The following HCLS1 variants were observed in gnomAD, a reference collection of about 807,000 sequenced individuals.
The protein encoded by HCLS1 is hematopoietic cell-specific Lyn substrate 1.
Under a neutral mutation model 68.6 loss-of-function variants are expected in HCLS1, and 44 were observed. That is an observed-to-expected ratio of 0.64 (90% confidence interval 0.50 to 0.82). The LOEUF (loss-of-function observed/expected upper bound fraction) is 0.82, where lower values mean the gene tolerates loss of function less well. Among genes scored for constraint, HCLS1 ranks in the 40% least tolerant of loss-of-function variants. The pLI is 0.00. For synonymous variants in HCLS1, 217 were observed against 225.8 expected (o/e 0.96, Z 0.35); for missense variants, 602 against 612.1 (o/e 0.98, Z 0.17).
At chr3:121,655,462 C>CTTTTTTTTTTTTTTTTTTTTT (rs1181452367) in intron 3 of HCLS1, 1 of 50,066 alleles carries the variant, frequency 2.0e-5, no homozygotes, top group Non-Finnish European at 3.8e-5. Context: ...GTTGCTTGCT[C>CTTTTTTTTTTTTTTTTTTTTT]TTTTTTTTTT....
intron 9 of HCLS1, among the ~76,000 whole-genome samples, 170 bp from the exon 10 acceptor site, chr3:121,634,588 T>A (rs1009230608): frequency 6.6e-6 from 1 of 152,062 alleles, no homozygotes; most frequent in Non-Finnish European, 1.5e-5. Context: ...GAGGATGGCA[T>A]AGCCCTGAAG....
At position 121,632,446 on chromosome 3, in the gene HCLS1, T is replaced by TCTCAGGCTTGGG. The variant is rs1553842737; in HGVS notation, c.1125_1126insCCCAAGCCTGAG (p.Glu375_Asn376insProLysProGlu). 5.0e-5 allele frequency: 67 copies of TCTCAGGCTTGGG among 1,335,866 alleles called. No homozygotes were observed. Among genetic ancestry groups the TCTCAGGCTTGGG allele is most frequent in the Admixed American group, 8.9e-5 (5 of 56,000 alleles). 82.8% of individuals were successfully genotyped at this position (1,335,866 alleles called of 1,614,324 possible). ...ATCTCCTCAACGTCCTCATAGTCAT[T>TCTCAGGCTTGGG]CTCAGGCTCGGGCTCAGGCTCGGGC... is the stretch of plus-strand genomic sequence containing the variant. On this transcript the variant is annotated inframe_insertion, in exon 12 of 14. Coordinates refer to ENST00000314583, the MANE Select transcript of HCLS1 (RefSeq NM_005335.6).
intron 1 of HCLS1, 104 bp from the exon 2 acceptor site, chr3:121,658,451 ATT>A: frequency 2.6e-6 from 2 of 775,480 alleles, no homozygotes; most frequent in African/African-American, 1.8e-5. Context: ...ATTTCCTGCC[ATT>A]TTTTTTTTCT....
intron 4 of HCLS1, among the ~76,000 whole-genome samples, chr3:121,645,667 T>C (rs2049239949): frequency 6.6e-6 from 1 of 151,934 alleles, no homozygotes; most frequent in Non-Finnish European, 1.5e-5. Context: ...GTATATCTTA[T>C]GTGTTGAGAT....
intron 9 of HCLS1, 27 bp from the exon 10 acceptor site, chr3:121,634,445 G>T (rs1192182800): frequency 2.5e-6 from 4 of 1,609,540 alleles, no homozygotes; most frequent in Non-Finnish European, 3.4e-6. Flanking sequence ...GAAAAATTAG[G>T]GTTGTCTTGG....
intron 1 of HCLS1, 66 bp downstream of exon 1, chr3:121,660,754 C>G (rs1937972731): frequency 6.6e-6 from 1 of 152,374 alleles, no homozygotes; most frequent in Admixed American, 6.5e-5. Context: ...GGACTAAGAG[C>G]CAGGTAGGTT....
chr3:121,653,686 T>C (rs1937802269), intron 3 of HCLS1: 1 of 152,218 alleles, frequency 6.6e-6, no homozygotes, highest in Admixed American at 6.5e-5. Context: ...CAGAATTCTA[T>C]TTCTATACTC....
intron 4 of HCLS1, among the ~76,000 whole-genome samples, chr3:121,645,355 T>C (rs1176577863): frequency 6.6e-6 from 1 of 152,132 alleles, no homozygotes; most frequent in Non-Finnish European, 1.5e-5. Context: ...GAGCCAATGA[T>C]TTTGTTCTAG....
chr3:121,646,650 T>A (rs1392600473), intron 4 of HCLS1, among the ~76,000 whole-genome samples: 2 of 118,416 alleles, frequency 1.7e-5, no homozygotes, highest in African/African-American at 6.5e-5. Context: ...TTATATTATA[T>A]ATACTTATAA....
At chr3:121,637,112 A>T (rs1163087675) in intron 7 of HCLS1, 34 bp downstream of exon 7, 1 of 1,403,000 alleles carries the variant, frequency 7.1e-7, no homozygotes, top group Non-Finnish European at 1.0e-6. Flanking sequence ...TCCCTGTGCT[A>T]TCTGTGACCT....
rs1182707563 is a variant in HCLS1 at position 121,633,147 on chromosome 3, G to A, written c.928C>T (p.Pro310Ser). ...CTCACAGGCTCAGACTCTGATGATG[G>A]AGGAGTCCCAACTGGAGGCCAGGCC... ...SEAWPPVGTP[P>S]SSESEPVRTS... is the part of the protein sequence containing the mutation. The change falls in exon 11 of 14, where the codon CCA (proline) becomes TCA (serine). Residue 310 changes from proline to serine, a missense_variant. Physicochemically the swap from Pro to Ser is moderately conservative, Grantham distance 74. Coordinates refer to ENST00000314583, the MANE Select transcript of HCLS1 (RefSeq NM_005335.6). 1.2e-6 allele frequency: 2 copies of A among 1,611,494 alleles called. No homozygotes were observed. Among genetic ancestry groups the A allele is most frequent in the East Asian group, 4.5e-5 (2 of 44,792 alleles).
intron 5 of HCLS1, 39 bp from the exon 6 acceptor site, chr3:121,643,020 C>G: frequency 1.3e-6 from 2 of 1,572,986 alleles, no homozygotes; most frequent in Non-Finnish European, 1.7e-6. Flanking sequence ...AGAGTCAGAG[C>G]TGACAGGTTT....
Position 121,649,022 on chromosome 3 carries a change from A to G in HCLS1, c.159-1574T>C, listed in dbSNP as rs145170176. 2.4e-4 allele frequency among the ~76,000 whole-genome samples: 36 copies of G among 152,360 alleles called. 1 individual carries two copies. In the East Asian group the frequency reaches 6.5e-3, roughly 28 times the overall value. On this transcript the variant is annotated intron_variant, in intron 3 of 13. Coordinates refer to ENST00000314583, the MANE Select transcript of HCLS1 (RefSeq NM_005335.6). The stretch of plus-strand genomic sequence containing the variant: ...GGAAAAAATCTGCAATTTTTTAATG[A>G]ATATAATAATTGTTAAATGGGTTAT...
chr3:121,646,374 T>A (rs1477272476), intron 4 of HCLS1, among the ~76,000 whole-genome samples: 94 of 48,600 alleles, frequency 1.9e-3, no homozygotes, highest in African/African-American at 5.7e-3. Flanking sequence ...TTACATATTA[T>A]TACTATGTAA....
At position 121,647,446 on chromosome 3, in the gene HCLS1, A is replaced by G. The variant is rs146539124; in HGVS notation, c.161T>C (p.Ile54Thr). 4.6e-5 allele frequency: 74 copies of G among 1,614,000 alleles called. No homozygotes were observed. In the African/African-American group the frequency reaches 8.5e-4, roughly 19 times the overall value. ...TGATACTTTGTTCCTCAGCTGGTGG[A>G]TGCTGGAAGAAACCACATGACCAAG... ...EGSGRTEHIN[I>T]HQLRNKVSEE... is the part of the protein sequence containing the mutation. Residue 54 changes from isoleucine (I) to threonine (T), a missense_variant and splice_region_variant, in exon 4 of 14, where the codon ATC (isoleucine) becomes ACC (threonine). Ile to Thr is a moderately conservative substitution (Grantham distance 89, BLOSUM62 -1). Transcript: ENST00000314583.
intron 3 of HCLS1, among the ~76,000 whole-genome samples, chr3:121,651,697 G>A (rs1444962340): frequency 6.6e-6 from 1 of 152,170 alleles, no homozygotes; most frequent in African/African-American, 2.4e-5. Flanking sequence ...TGGGATTACA[G>A]GCATGAGCCA....
chr3:121,637,521 A>C (rs9289172), intron 6 of HCLS1, among the ~76,000 whole-genome samples: 103,216 of 151,874 alleles, frequency 0.68, 36,096 homozygotes, highest in East Asian at 0.85. Flanking sequence ...CAAGAAGGGG[A>C]AAGTATAGAG....
chr3:121,656,507 C>T (rs1311145655), intron 3 of HCLS1, among the ~76,000 whole-genome samples: 1 of 152,172 alleles, frequency 6.6e-6, no homozygotes, highest in Non-Finnish European at 1.5e-5. Context: ...GAATGTATGA[C>T]ATATCCCACA....
intron 3 of HCLS1, among the ~76,000 whole-genome samples, chr3:121,655,905 G>C (rs1263447264): frequency 6.6e-6 from 1 of 151,396 alleles, no homozygotes; most frequent in Non-Finnish European, 1.5e-5. Context: ...CTGGAGTGCA[G>C]TGGTGCGATC....
Sources: allele counts gnomAD v4.1 joint callset (sites outside exome capture counted in the v4.1 genomes callset), GRCh38; gene constraint gnomAD v4.1.1; transcripts MANE v1.5; gene names NCBI Gene and HGNC (gene_info 2026-07-23, HGNC 2026-07-21).